The following SYT9 variants were observed in gnomAD, a reference collection of about 807,000 sequenced individuals.
The protein encoded by SYT9 is synaptotagmin 9.
In SYT9, 22 loss-of-function variants were observed where a neutral mutation model predicts 48.4. The observed-to-expected ratio is 0.45, with a 90% CI of 0.32 to 0.65. The LOEUF is 0.65. SYT9 is among the 30% of genes least tolerant of loss of function. The pLI is 0.03. For synonymous variants in SYT9, 265 were observed against 245.0 expected, an observed-to-expected ratio of 1.08 and a Z score of -0.76; for missense variants, 577 against 622.0, an observed-to-expected ratio of 0.93 and a Z score of 0.77.
intron 1 of SYT9, among the ~76,000 whole-genome samples, chr11:7,301,906 AG>A (rs1214763139): frequency 6.6e-6 from 1 of 152,162 alleles, no homozygotes; most frequent in Non-Finnish European, 1.5e-5. Flanking sequence ...AGAAGCCTGG[AG>A]GGGGTGAAAT....
intron 3 of SYT9, among the ~76,000 whole-genome samples, chr11:7,315,408 T>C (rs1304783778): frequency 3.9e-5 from 6 of 152,168 alleles, no homozygotes; most frequent in African/African-American, 9.7e-5. Flanking sequence ...CACTGGGGTA[T>C]TTACTAAGTC....
At chr11:7,461,707 C>T (rs60928037) in intron 6 of SYT9, among the ~76,000 whole-genome samples, 49,486 of 151,958 alleles carry the variant, frequency 0.33, 9,286 homozygotes, top group African/African-American at 0.52. Context: ...CACAAATGCC[C>T]GGTGCTCAAT....
In SYT9 at chr11:7,382,373, C is replaced by A. The variant is rs571785976; in HGVS notation, c.1045-33669C>A. ...ATGTGGGAAGCTGAGAGAAGAGGGG[C>A]AATAGAGATATGATGACTACCAGAT... On this transcript the variant is annotated intron_variant, in intron 3 of 6. Transcript: ENST00000318881. Among the ~76,000 whole-genome samples the A allele has an allele frequency of 3.3e-5, 5 of 152,000 alleles. No homozygotes were observed. The South Asian group carries it at 1.0e-3, about 32-fold the overall frequency.
intron 1 of SYT9, among the ~76,000 whole-genome samples, chr11:7,261,173 G>A (rs536269232): frequency 2.0e-3 from 300 of 152,216 alleles, no homozygotes; most frequent in Non-Finnish European, 3.8e-3. Flanking sequence ...CTGCCTCCTC[G>A]TCCCCACCAC....
At chr11:7,433,388 T>A (rs1217718115) in intron 6 of SYT9, among the ~76,000 whole-genome samples, 1 of 152,254 alleles carries the variant, frequency 6.6e-6, no homozygotes, top group Non-Finnish European at 1.5e-5. Flanking sequence ...AGATTGACTA[T>A]AAATTTTAAA....
chr11:7,401,221 A>C (rs1308748892), intron 3 of SYT9, among the ~76,000 whole-genome samples: 1 of 151,918 alleles, frequency 6.6e-6, no homozygotes, highest in Non-Finnish European at 1.5e-5. Flanking sequence ...AATTACCTTC[A>C]GTCTATGCGT....
At chr11:7,415,114 G>T (rs1300207083) in intron 3 of SYT9, among the ~76,000 whole-genome samples, 1 of 79,408 alleles carries the variant, frequency 1.3e-5, no homozygotes, top group African/African-American at 6.0e-5. Flanking sequence ...GAAATGGGGA[G>T]TCTTTAGAGG....
intron 1 of SYT9, among the ~76,000 whole-genome samples, chr11:7,261,736 G>T (rs1848083857): frequency 6.6e-6 from 1 of 151,946 alleles, no homozygotes; most frequent in East Asian, 1.9e-4. Context: ...GAGAGCGGCG[G>T]GTACAAAGGT....
chr11:7,305,096 A>C (rs1427476243), intron 2 of SYT9, among the ~76,000 whole-genome samples: 1 of 152,202 alleles, frequency 6.6e-6, no homozygotes, highest in Non-Finnish European at 1.5e-5. Context: ...CATAGCAATA[A>C]GGATTTGCTT....
intron 6 of SYT9, chr11:7,457,267 G>A (rs568308017): frequency 6.6e-6 from 1 of 152,258 alleles, no homozygotes; most frequent in South Asian, 2.1e-4. Flanking sequence ...GCTTCTTCAG[G>A]AAGCATTCTG....
intron 3 of SYT9, among the ~76,000 whole-genome samples, chr11:7,344,521 C>A (rs1164829043): frequency 1.3e-5 from 2 of 152,050 alleles, no homozygotes; most frequent in Non-Finnish European, 2.9e-5. Context: ...TCTAGAAGTT[C>A]TATCATTTTA....
intron 3 of SYT9, among the ~76,000 whole-genome samples, chr11:7,384,355 T>C (rs748933798): frequency 1.3e-5 from 2 of 152,178 alleles, no homozygotes; most frequent in African/African-American, 2.4e-5. Flanking sequence ...TCACAATTAA[T>C]GTATGTGAAA....
At chr11:7,354,967 A>G (rs954753659) in intron 3 of SYT9, among the ~76,000 whole-genome samples, 1 of 152,136 alleles carries the variant, frequency 6.6e-6, no homozygotes, top group Non-Finnish European at 1.5e-5. Flanking sequence ...TAACACCTGA[A>G]TTTACCTATG....
At chr11:7,351,606 A>G (rs550389106) in intron 3 of SYT9, among the ~76,000 whole-genome samples, 21 of 152,324 alleles carry the variant, frequency 1.4e-4, no homozygotes, top group African/African-American at 4.1e-4. Flanking sequence ...AGATGATGCA[A>G]TGGGATTAAT....
chr11:7,421,311 T>C (rs1847350692), intron 6 of SYT9, among the ~76,000 whole-genome samples: 2 of 152,316 alleles, frequency 1.3e-5, no homozygotes, highest in East Asian at 1.9e-4. Flanking sequence ...AACCATTGCA[T>C]ATTTTCTAGG....
At chr11:7,246,291 C>T (rs970033194) in intron 1 of SYT9, among the ~76,000 whole-genome samples, 1 of 152,306 alleles carries the variant, frequency 6.6e-6, no homozygotes, top group South Asian at 2.1e-4. Context: ...CTATCTATGC[C>T]ACGACAAGTA....
At chr11:7,365,430 T>G (rs1261892446) in intron 3 of SYT9, among the ~76,000 whole-genome samples, 2 of 152,176 alleles carry the variant, frequency 1.3e-5, no homozygotes, top group African/African-American at 4.8e-5. Context: ...TTAGAGTACA[T>G]CAGGTTCTGA....
intron 1 of SYT9, among the ~76,000 whole-genome samples, chr11:7,254,946 G>C (rs1298853507): frequency 6.6e-6 from 1 of 152,070 alleles, no homozygotes; most frequent in Non-Finnish European, 1.5e-5. Context: ...TGCCCTGTTG[G>C]GGGAGTACCG....
chr11:7,463,650 G>T (rs896332086), intron 6 of SYT9, among the ~76,000 whole-genome samples: 2 of 152,184 alleles, frequency 1.3e-5, no homozygotes, highest in African/African-American at 2.4e-5. Context: ...GACACCAGAT[G>T]TATTGAAACT....
Sources: gnomAD v4.1 joint callset for allele counts (sites outside exome capture counted in the v4.1 genomes callset) on GRCh38, gnomAD v4.1.1 for gene constraint, MANE v1.5 for transcripts, NCBI Gene and HGNC (gene_info 2026-07-23, HGNC 2026-07-21) for gene names.